SUGCT: variants seen among roughly 807,000 people sequenced by gnomAD.
SUGCT encodes succinyl-CoA:glutarate CoA-transferase.
A neutral mutation model predicts 55.0 loss-of-function variants in SUGCT; 41 were observed. The observed-to-expected ratio is 0.74, with a 90% CI of 0.58 to 0.97. The LOEUF (loss-of-function observed/expected upper bound fraction) is 0.97. Among genes scored for constraint, SUGCT ranks in the 50% least tolerant of loss-of-function variants. The pLI is 0.00. For synonymous variants in SUGCT, 187 were observed against 200.4 expected, an observed-to-expected ratio of 0.93 and a Z score of 0.56; for missense variants, 568 against 547.8, an observed-to-expected ratio of 1.04 and a Z score of -0.37.
chr7:40,860,640 G>A lies in SUGCT; in HGVS notation c.*161G>A. On this transcript the variant is annotated 3_prime_UTR_variant, in exon 14 of 14. Transcript: ENST00000335693. ...TCTCCAGAATGGCTCTGGTATTAAT[G>A]AATCTAGTGCCTTTTAAATGTATCC... 1 of 619,222 alleles carries A rather than the reference G, an allele frequency of 1.6e-6. No homozygotes were observed. Among genetic ancestry groups the A allele is most frequent in the Admixed American group, 3.5e-5 (1 of 28,676 alleles). 38.4% of individuals were successfully genotyped at this position (619,222 alleles called of 1,614,324 possible).
chr7:40,876,928 T>C, the SUGCT span, among the ~76,000 whole-genome samples: 1 of 152,140 alleles, frequency 6.6e-6, no homozygotes, highest in African/African-American at 2.4e-5. Context: ...ACGATCTAAT[T>C]TCCCCGAGAT....
chr7:40,604,726 A>C (rs1798445222), intron 12 of SUGCT, among the ~76,000 whole-genome samples: 1 of 152,206 alleles, frequency 6.6e-6, no homozygotes, highest in African/African-American at 2.4e-5. Context: ...TGTCACTGTA[A>C]GGCCAAGTAG....
rs535493357 is a variant in SUGCT, at chr7:40,680,260, A to G, written c.1090-69174A>G. 1.2e-4 allele frequency among the ~76,000 whole-genome samples: 19 copies of G among 152,354 alleles called. 1 individual carries two copies. Among genetic ancestry groups the G allele is most frequent in the African/African-American group, 4.6e-4 (19 of 41,594 alleles). Reference sequence around the variant, plus strand: ...TCGAAGTCAGCTGTTTAACACCTGCAAAAGATTCAGGATATATTATGTTCA... The same window carrying G: ...TCGAAGTCAGCTGTTTAACACCTGCGAAAGATTCAGGATATATTATGTTCA... On this transcript the variant is annotated intron_variant, in intron 12 of 13. Transcript: ENST00000335693.
chr7:40,848,046 A>T (rs564143299), intron 13 of SUGCT, among the ~76,000 whole-genome samples: 2 of 152,318 alleles, frequency 1.3e-5, no homozygotes, highest in East Asian at 1.9e-4. Flanking sequence ...CGTGCCAATT[A>T]TAACTTTAGG....
chr7:40,410,715 G>A (rs533189571), intron 9 of SUGCT, among the ~76,000 whole-genome samples: 3 of 152,034 alleles, frequency 2.0e-5, no homozygotes, highest in Middle Eastern at 3.2e-3. Context: ...AAGTCCTTAC[G>A]TATCTGAAGA....
At chr7:40,781,510 C>T (rs555682944) in intron 13 of SUGCT, among the ~76,000 whole-genome samples, 4 of 152,002 alleles carry the variant, frequency 2.6e-5, no homozygotes, top group Non-Finnish European at 5.9e-5. Flanking sequence ...ACCACACACC[C>T]CTGTATATTA....
intron 12 of SUGCT, among the ~76,000 whole-genome samples, chr7:40,645,607 C>T (rs967615879): frequency 6.6e-6 from 1 of 152,196 alleles, no homozygotes; most frequent in East Asian, 1.9e-4. Context: ...AATACACGCT[C>T]ATGGTAGACC....
At chr7:40,345,665 C>T (rs1562700691) in intron 9 of SUGCT, among the ~76,000 whole-genome samples, 1 of 151,710 alleles carries the variant, frequency 6.6e-6, no homozygotes, top group African/African-American at 2.4e-5. Context: ...TTTTTTAATT[C>T]ATTTGTCTTA....
chr7:40,876,696 G>A, the SUGCT span, among the ~76,000 whole-genome samples: 3 of 152,132 alleles, frequency 2.0e-5, no homozygotes, highest in East Asian at 5.8e-4. Context: ...TTCTTCCTAG[G>A]TTGTCTCAGG....
chr7:40,720,618 A>G (rs1786276913), intron 12 of SUGCT, among the ~76,000 whole-genome samples: 1 of 152,212 alleles, frequency 6.6e-6, no homozygotes, highest in African/African-American at 2.4e-5. Context: ...CTGAAACAAG[A>G]AGTTTTTAAG....
At position 40,189,607 on chromosome 7, in the gene SUGCT, G is replaced by A. The variant is rs1252580038; in HGVS notation, c.363+13G>A. ...AATCATCAAAGAGGTACAGTATGAT[G>A]TATAGAAAGCATCCTACCACCTAGG... On this transcript the variant is annotated intron_variant, in intron 5 of 13. Coordinates refer to ENST00000335693, the MANE Select transcript of SUGCT (RefSeq NM_001193313.2). The A allele has an allele frequency of 7.2e-7, 1 of 1,392,974 alleles. No individual in the cohort carries two copies. The highest frequency in any genetic ancestry group is 9.6e-7 in the Non-Finnish European group (1 of 1,045,106). The allele number at this position is 1,392,974 out of a possible 1,614,324, so 86.3% of individuals were successfully genotyped here. A position where few individuals can be genotyped will look rare whatever the true frequency, so the allele number is the denominator to read the frequency against.
the SUGCT span, among the ~76,000 whole-genome samples, chr7:40,887,784 G>A: frequency 6.6e-6 from 1 of 152,186 alleles, no homozygotes. Flanking sequence ...TAACCTCCAA[G>A]CAACTCCAAA....
At chr7:40,314,716 C>T (rs1442097250) in intron 8 of SUGCT, among the ~76,000 whole-genome samples, 1 of 151,992 alleles carries the variant, frequency 6.6e-6, no homozygotes, top group Non-Finnish European at 1.5e-5. Flanking sequence ...AGGCATGTGC[C>T]ACCATGCCTG....
chr7:40,816,832 G>A (rs146828520), intron 13 of SUGCT, among the ~76,000 whole-genome samples: 332 of 152,304 alleles, frequency 2.2e-3, no homozygotes, highest in African/African-American at 7.3e-3. Flanking sequence ...ATCTTAATAG[G>A]TGAAGTTATC....
chr7:40,433,337 CT>C (rs200117722), intron 9 of SUGCT, among the ~76,000 whole-genome samples: 136 of 141,508 alleles, frequency 9.6e-4, no homozygotes, highest in Middle Eastern at 7.4e-3. Flanking sequence ...TTCTTTTTTT[CT>C]TTTTTTTTTT....
At chr7:40,947,584 T>C in the SUGCT span, among the ~76,000 whole-genome samples, 3 of 152,102 alleles carry the variant, frequency 2.0e-5, no homozygotes, top group Non-Finnish European at 4.4e-5. Flanking sequence ...AGTATAGCAA[T>C]TCTGGAAATC....
At chr7:40,340,229 G>A (rs1302155148) in intron 9 of SUGCT, among the ~76,000 whole-genome samples, 4 of 152,162 alleles carry the variant, frequency 2.6e-5, no homozygotes, top group African/African-American at 9.7e-5. Flanking sequence ...GGCAAGAAGT[G>A]TTAGAATTAC....
intron 7 of SUGCT, among the ~76,000 whole-genome samples, chr7:40,242,943 T>A (rs1309676649): frequency 6.6e-4 from 41 of 61,694 alleles, no homozygotes; most frequent in East Asian, 1.0e-3. Flanking sequence ...ATTTTTTTTT[T>A]TTTTTTTTTT....
intron 12 of SUGCT, among the ~76,000 whole-genome samples, chr7:40,550,838 C>T (rs1795257539): frequency 6.6e-6 from 1 of 152,114 alleles, no homozygotes. Context: ...TCAGAGTTCA[C>T]ATACATTTCA....
Sources: gnomAD v4.1 joint callset for allele counts (sites outside exome capture counted in the v4.1 genomes callset) on GRCh38, gnomAD v4.1.1 for gene constraint, MANE v1.5 for transcripts, NCBI Gene and HGNC (gene_info 2026-07-23, HGNC 2026-07-21) for gene names.